EVC2: variants seen among roughly 807,000 people sequenced by gnomAD.
EVC2 encodes the protein limbin.
In EVC2, 148 loss-of-function variants were observed where a neutral mutation model predicts 149.3. That is an observed-to-expected ratio of 0.99 (90% CI 0.87 to 1.14). The LOEUF is 1.14. EVC2 is among the 50% of genes most tolerant of loss of function. EVC2 has a pLI of 0.00. For synonymous variants in EVC2, 776 were observed against 649.9 expected, an observed-to-expected ratio of 1.19 and a Z score of -2.95; for missense variants, 1,854 against 1,627.3, an observed-to-expected ratio of 1.14 and a Z score of -2.40.
In EVC2 at chr4:5,613,399, C is replaced by G. The variant is rs1715005652; in HGVS notation, c.2829+2023G>C. 6.6e-6 allele frequency among the ~76,000 whole-genome samples: 1 copy of G among 152,210 alleles called. No individual in the cohort carries two copies. The highest frequency in any genetic ancestry group is 2.4e-5 in the African/African-American group (1 of 41,442). On this transcript the variant is annotated intron_variant, in intron 16 of 21. Coordinates refer to ENST00000344408, the MANE Select transcript of EVC2 (RefSeq NM_147127.5). This position sits in a 1 kb window ranked among gnomAD's most constrained non-coding sequence, Gnocchi z 4.6. ...TCACCTTCACTCTGGCGGGTTTCAC[C>G]TCTTACAGAGGATCACAAAGCAGCC...
At chr4:5,546,317 A>C (rs1721621353) in intron 21 of EVC2, among the ~76,000 whole-genome samples, 1 of 152,188 alleles carries the variant, frequency 6.6e-6, no homozygotes, top group African/African-American at 2.4e-5. Context: ...ACCAACCTAA[A>C]TGTCCAACAA....
intron 7 of EVC2, among the ~76,000 whole-genome samples, chr4:5,666,816 G>A (rs973121536): frequency 3.3e-5 from 5 of 152,096 alleles, no homozygotes; most frequent in African/African-American, 1.2e-4. Flanking sequence ...AGTATCCTAA[G>A]TATCTATTTA....
intron 19 of EVC2, among the ~76,000 whole-genome samples, chr4:5,571,826 G>T (rs958591628): frequency 1.3e-5 from 2 of 152,154 alleles, no homozygotes; most frequent in Non-Finnish European, 2.9e-5. Context: ...ATGTAAATTG[G>T]TGGACTCTGA....
At chr4:5,586,466 T>C (rs1288842657) in intron 16 of EVC2, among the ~76,000 whole-genome samples, 2 of 152,188 alleles carry the variant, frequency 1.3e-5, no homozygotes, top group African/African-American at 4.8e-5. Flanking sequence ...AAAGTCAACC[T>C]GAAAAACCAG....
chr4:5,612,370 G>C (rs559967228), intron 16 of EVC2, among the ~76,000 whole-genome samples: 2 of 152,092 alleles, frequency 1.3e-5, no homozygotes, highest in African/African-American at 4.8e-5. Flanking sequence ...TTTAAAAAAA[G>C]AAAAAGAAAA....
chr4:5,548,204 T>G (rs1721657979), intron 21 of EVC2, among the ~76,000 whole-genome samples: 1 of 151,632 alleles, frequency 6.6e-6, no homozygotes, highest in Non-Finnish European at 1.5e-5. Flanking sequence ...CCAGGACAAG[T>G]GGGAAAAATG....
At chr4:5,624,896 T>C (rs542413221) in intron 13 of EVC2, among the ~76,000 whole-genome samples, 2 of 152,316 alleles carry the variant, frequency 1.3e-5, no homozygotes, top group East Asian at 1.9e-4. Context: ...AACCAACTAC[T>C]TGCGTGTCAC....
In EVC2 at chr4:5,622,598, C is replaced by A. The variant is rs745640603; in HGVS notation, c.2440G>T (p.Ala814Ser). The change falls in exon 14 of 22, where the codon GCT (alanine) becomes TCT (serine). Residue 814 changes from alanine (A) to serine (S), a missense_variant. Ala to Ser is a moderately conservative substitution (Grantham distance 99). Coordinates refer to ENST00000344408, the MANE Select transcript of EVC2 (RefSeq NM_147127.5). This position sits in a 1 kb window ranked among gnomAD's most constrained non-coding sequence, Gnocchi z 5.8. ...QSVRQRLKDD[A>S]PEAVTEEQAE... ...TGCTCCTCTGTCACGGCCTCAGGAGCGTCATCCTTCAGTCTCTGCCTCACG... is the reference window on the plus strand; with the variant it reads ...TGCTCCTCTGTCACGGCCTCAGGAGAGTCATCCTTCAGTCTCTGCCTCACG... 2 of 1,613,970 alleles carry A rather than the reference C, an allele frequency of 1.2e-6. No homozygotes were observed. The highest frequency in any genetic ancestry group is 1.7e-5 in the Admixed American group (1 of 60,008).
chr4:5,692,021 C>A (rs775101853), intron 3 of EVC2, among the ~76,000 whole-genome samples: 1 of 152,164 alleles, frequency 6.6e-6, no homozygotes, highest in Non-Finnish European at 1.5e-5. Context: ...GGGACTGGAC[C>A]CTTACTGCAT....
Position 5,682,533 on chromosome 4 carries a change from A to G in EVC2, c.817-1220T>C, listed in dbSNP as rs180965928. 6.5e-3 allele frequency among the ~76,000 whole-genome samples: 984 copies of G among 151,240 alleles called. 7 individuals carry two copies. Among genetic ancestry groups the G allele is most frequent in the Middle Eastern group, 0.017 (5 of 290 alleles). ...ATAATAATAAAATTTTTTAAAAGCA[A>G]TAGCAATAGTAGTAGCAGTAGTATC... On this transcript the variant is annotated intron_variant, in intron 6 of 21. Coordinates refer to ENST00000344408, the MANE Select transcript of EVC2 (RefSeq NM_147127.5).
Position 5,708,497 on chromosome 4 carries a change from G to C in EVC2, c.17C>G (p.Ser6Cys). MDPSG[S>C]RGRPTWVLAG... ...CAGCACCCACGTGGGGCGCCCCCGGGAGCCCGAGGGGTCCATCGCCTGTCG... is the reference window on the plus strand; with the variant it reads ...CAGCACCCACGTGGGGCGCCCCCGGCAGCCCGAGGGGTCCATCGCCTGTCG... The change falls in exon 1 of 22, where the codon TCC becomes TGC. Residue 6 changes from serine (S) to cysteine (C), a missense_variant. Coordinates refer to ENST00000344408, the MANE Select transcript of EVC2 (RefSeq NM_147127.5). 6.8e-7 allele frequency: 1 copy of C among 1,479,360 alleles called. No individual in the cohort carries two copies. The highest frequency in any genetic ancestry group is 2.4e-4 in the Middle Eastern group (1 of 4,222). The allele number at this position is 1,479,360 out of a possible 1,614,324, so 91.6% of individuals were successfully genotyped here.
Position 5,567,399 on chromosome 4 carries a change from C to T in EVC2, c.3557+1045G>A, listed in dbSNP as rs1489398503. Among the ~76,000 whole-genome samples, 5 of 151,864 alleles carry T rather than the reference C, an allele frequency of 3.3e-5. No homozygotes were observed. Among genetic ancestry groups the T allele is most frequent in the Admixed American group, 3.3e-4 (5 of 15,252 alleles). ...TGATAAGGAAAACATTACCCCTTTTCTCAGGACAAATGCTATCTACACAGT... is the reference window on the plus strand; with the variant it reads ...TGATAAGGAAAACATTACCCCTTTTTTCAGGACAAATGCTATCTACACAGT... On this transcript the variant is annotated intron_variant, in intron 20 of 21. Transcript: ENST00000344408. This position sits in a 1 kb window ranked among gnomAD's most constrained non-coding sequence, Gnocchi z 4.4.
chr4:5,682,947 C>T (rs913689834), intron 6 of EVC2, among the ~76,000 whole-genome samples: 10 of 152,076 alleles, frequency 6.6e-5, no homozygotes, highest in Non-Finnish European at 1.5e-4. Context: ...ATTACAGACG[C>T]GACTAAGGCA....
chr4:5,661,709 T>C (rs1294595182), intron 9 of EVC2, among the ~76,000 whole-genome samples: 1 of 152,182 alleles, frequency 6.6e-6, no homozygotes, highest in Non-Finnish European at 1.5e-5. Context: ...CTAGTTAAGG[T>C]TATCTATTAG....
At chr4:5,548,075 G>A (rs1721654723) in intron 21 of EVC2, among the ~76,000 whole-genome samples, 1 of 152,132 alleles carries the variant, frequency 6.6e-6, no homozygotes, top group Non-Finnish European at 1.5e-5. Context: ...TGGTGTGCCT[G>A]ACTGTGCACG....
chr4:5,584,742 C>G lies in EVC2; in HGVS notation c.2938G>C (p.Glu980Gln). Reference sequence around the variant, plus strand: ...AGGGCGGTGTAGGCCGACAGAGTCTCGGTCACCCGGGACGCCTTCTGGAAC... The same window carrying G: ...AGGGCGGTGTAGGCCGACAGAGTCTGGGTCACCCGGGACGCCTTCTGGAAC... ...LQFQKASRVT[E>Q]TLSAYTALLS... Residue 980 changes from glutamate (E) to glutamine (Q), a missense_variant, in exon 17 of 22, where the codon GAG becomes CAG. Glu to Gln is a conservative substitution (Grantham distance 29, BLOSUM62 2). Coordinates refer to ENST00000344408, the MANE Select transcript of EVC2 (RefSeq NM_147127.5). 6.2e-7 allele frequency: 1 copy of G among 1,614,156 alleles called. No homozygotes were observed. The highest frequency in any genetic ancestry group is 8.5e-7 in the Non-Finnish European group (1 of 1,180,040).
At chr4:5,667,516 G>T (rs1719359178) in intron 7 of EVC2, among the ~76,000 whole-genome samples, 1 of 152,152 alleles carries the variant, frequency 6.6e-6, no homozygotes, top group African/African-American at 2.4e-5. Context: ...TTCATAGGGG[G>T]TCACTGATTG....
chr4:5,535,172 T>A, the EVC2 span, among the ~76,000 whole-genome samples: 1 of 152,078 alleles, frequency 6.6e-6, no homozygotes, highest in South Asian at 2.1e-4. The surrounding 1 kb of genome is among the most constrained non-coding windows in gnomAD (Gnocchi z 4.7). Flanking sequence ...CATCGCCATC[T>A]CCAGTGAGCA....
chr4:5,649,950 G>A (rs529372373), intron 9 of EVC2, among the ~76,000 whole-genome samples: 19 of 152,278 alleles, frequency 1.2e-4, no homozygotes, highest in Non-Finnish European at 2.4e-4. Context: ...GGTTAAATGA[G>A]AGTAAAAATA....
Sources: gnomAD v4.1 joint callset for allele counts (sites outside exome capture counted in the v4.1 genomes callset) on GRCh38, gnomAD v4.1.1 for gene constraint, Gnocchi (gnomAD v3.1) non-coding constraint, MANE v1.5 for transcripts, NCBI Gene and HGNC (gene_info 2026-07-23, HGNC 2026-07-21) for gene names.